The following COBL variants were observed in gnomAD, a reference collection of about 807,000 sequenced individuals.
COBL encodes the protein cordon-bleu WH2 repeat protein.
COBL carries 51 observed loss-of-function variants against 98.8 expected under a neutral mutation model. The observed-to-expected ratio is 0.52, with a 90% CI of 0.41 to 0.65. COBL has a LOEUF of 0.65. Ranked by LOEUF, COBL falls within the 30% of genes least tolerant of loss-of-function variation. COBL has a pLI of 0.00. For missense variants in COBL, 1,617 were observed against 1,617.5 expected (o/e 1.00, Z 0.01); for synonymous variants, 634 against 651.7 (o/e 0.97, Z 0.41).
At position 51,226,842 on chromosome 7, in the gene COBL, AT is replaced by A. The variant is rs1794246492; in HGVS notation, c.42-6899del. Among the ~76,000 whole-genome samples the A allele has an allele frequency of 2.0e-5, 3 of 152,098 alleles. No homozygotes were observed. In the South Asian group the frequency reaches 6.2e-4, roughly 31 times the overall value. On this transcript the variant is annotated intron_variant, in intron 1 of 12. Transcript: ENST00000265136. ...ATCCAGCCACCATGCCACACTGTGT[AT>A]GTTCAATACCCCTGGCAACTTCATA...
At chr7:51,249,834 T>C (rs970640374) in intron 1 of COBL, among the ~76,000 whole-genome samples, 7 of 152,072 alleles carry the variant, frequency 4.6e-5, no homozygotes, top group African/African-American at 1.7e-4. Context: ...AGAACATTTT[T>C]CAAACACCTG....
Position 51,196,979 on chromosome 7 carries a change from C to T in COBL, c.246-3390G>A, listed in dbSNP as rs553749679. Reference sequence around the variant, plus strand: ...AATTTTTTCAAAAAAAAAACAGCTCCAGGATTCACTGATCCTTTGAATAAT... The same window carrying T: ...AATTTTTTCAAAAAAAAAACAGCTCTAGGATTCACTGATCCTTTGAATAAT... On this transcript the variant is annotated intron_variant, in intron 2 of 12. Transcript: ENST00000265136. Among the ~76,000 whole-genome samples, 10 of 151,880 alleles carry T rather than the reference C, an allele frequency of 6.6e-5. No individual in the cohort carries two copies. The South Asian group carries it at 1.7e-3, about 25-fold the overall frequency.
At chr7:51,120,377 AT>A (rs1184203177) in intron 6 of COBL, among the ~76,000 whole-genome samples, 2 of 152,196 alleles carry the variant, frequency 1.3e-5, no homozygotes, top group Non-Finnish European at 2.9e-5. Flanking sequence ...CACGTAAGGC[AT>A]TTGGAGAAAC....
At chr7:51,042,278 A>T (rs1789276582) in intron 8 of COBL, among the ~76,000 whole-genome samples, 1 of 152,266 alleles carries the variant, frequency 6.6e-6, no homozygotes, top group South Asian at 2.1e-4. Context: ...AGTTCAAGCC[A>T]CAGGCTTAGA....
At chr7:51,188,441 A>G (rs1471304764) in intron 4 of COBL, among the ~76,000 whole-genome samples, 1 of 152,228 alleles carries the variant, frequency 6.6e-6, no homozygotes, top group Non-Finnish European at 1.5e-5. Context: ...TTCTTTTCGA[A>G]TATTTGACAG....
chr7:51,315,401 C>CT (rs1357117388), intron 1 of COBL, among the ~76,000 whole-genome samples: 2 of 152,198 alleles, frequency 1.3e-5, no homozygotes, highest in African/African-American at 2.4e-5. Context: ...GACTGAAAGT[C>CT]TTTTACACAC....
intron 6 of COBL, among the ~76,000 whole-genome samples, chr7:51,115,245 T>G (rs968874091): frequency 4.6e-5 from 7 of 152,186 alleles, no homozygotes; most frequent in Admixed American, 2.0e-4. Context: ...TCTGATTTTA[T>G]GCATTTTCTC....
At chr7:51,050,585 A>T (rs917057545) in intron 7 of COBL, among the ~76,000 whole-genome samples, 3 of 152,252 alleles carry the variant, frequency 2.0e-5, no homozygotes, top group Admixed American at 2.0e-4. Flanking sequence ...AGTCCTTCTC[A>T]GAACCTTTCC....
At chr7:51,195,404 T>C (rs533203463) in intron 2 of COBL, among the ~76,000 whole-genome samples, 1 of 152,184 alleles carries the variant, frequency 6.6e-6, no homozygotes, top group Non-Finnish European at 1.5e-5. Context: ...TAGCATGCTG[T>C]TTGGTTACTG....
intron 12 of COBL, among the ~76,000 whole-genome samples, chr7:51,020,229 C>G (rs1786792832): frequency 6.6e-6 from 1 of 152,216 alleles, no homozygotes; most frequent in Non-Finnish European, 1.5e-5. Flanking sequence ...CAAAGGGGAG[C>G]TACGACCTTG....
At chr7:51,225,874 A>G (rs1249869075) in intron 1 of COBL, among the ~76,000 whole-genome samples, 1 of 152,208 alleles carries the variant, frequency 6.6e-6, no homozygotes, top group Non-Finnish European at 1.5e-5. Flanking sequence ...CGCAGGTGTG[A>G]GGCCCAGGTA....
intron 7 of COBL, among the ~76,000 whole-genome samples, chr7:51,070,600 G>C (rs906654124): frequency 2.6e-5 from 4 of 152,144 alleles, no homozygotes; most frequent in Non-Finnish European, 4.4e-5. Context: ...AGAAAAGTTT[G>C]TTTTGTTATG....
At position 51,028,054 on chromosome 7, in the gene COBL, G is replaced by A. The variant is rs141696883; in HGVS notation, c.3042C>T (p.Arg1014=). Reference sequence around the variant, plus strand: ...GGGGTGGGTCTGTACCATCAGGTGCGCGTCTGGGCTCAGATGCTGAGCTGG... The same window carrying A: ...GGGGTGGGTCTGTACCATCAGGTGCACGTCTGGGCTCAGATGCTGAGCTGG... ...QEASSASEPR[R]APDGTDPPPP... is the part of the protein sequence containing the mutation. The change falls in exon 10 of 13, where the codon CGC becomes CGT. Residue 1014 remains arginine (R), a synonymous_variant. Coordinates refer to ENST00000265136, the MANE Select transcript of COBL (RefSeq NM_015198.5). 3.2e-5 allele frequency: 52 copies of A among 1,611,220 alleles called. No homozygotes were observed. Among genetic ancestry groups the A allele is most frequent in the Middle Eastern group, 3.3e-4 (2 of 6,046 alleles).
chr7:51,202,715 G>A (rs1303478234), intron 2 of COBL, among the ~76,000 whole-genome samples: 2 of 152,168 alleles, frequency 1.3e-5, no homozygotes, highest in Non-Finnish European at 2.9e-5. Context: ...AATACTAATA[G>A]GGAAGTTTAT....
chr7:51,187,841 G>C, intron 4 of COBL: 1 of 1,136,858 alleles, frequency 8.8e-7, no homozygotes. Flanking sequence ...CATCACCTCT[G>C]TGCAGCTCTG....
intron 2 of COBL, among the ~76,000 whole-genome samples, chr7:51,206,449 G>A (rs1281851490): frequency 4.8e-5 from 7 of 145,602 alleles, no homozygotes; most frequent in East Asian, 2.0e-4. Context: ...CCGAGATCGC[G>A]CCACTATATT....
intron 1 of COBL, among the ~76,000 whole-genome samples, chr7:51,279,539 C>G (rs1429171557): frequency 6.6e-6 from 1 of 152,092 alleles, no homozygotes; most frequent in East Asian, 1.9e-4. Flanking sequence ...GCCCGTATTC[C>G]CTCTGACCTT....
rs58109603 is a variant in COBL, at chr7:51,057,083, G to A, written c.1097-13391C>T. Among the ~76,000 whole-genome samples, 37 of 152,292 alleles carry A rather than the reference G, an allele frequency of 2.4e-4. No individual in the cohort carries two copies. In the East Asian group the frequency reaches 6.8e-3, roughly 28 times the overall value. On this transcript the variant is annotated intron_variant, in intron 7 of 12. Coordinates refer to ENST00000265136, the MANE Select transcript of COBL (RefSeq NM_015198.5). ...CCACACTGTCTCCTCCCCTGCCTGT[G>A]AGTCACTTAGCAGTGGTCTTGGTTC...
chr7:51,238,821 C>A (rs1400261316), intron 1 of COBL, among the ~76,000 whole-genome samples: 3 of 152,018 alleles, frequency 2.0e-5, no homozygotes, highest in Non-Finnish European at 2.9e-5. Flanking sequence ...CCCTGGCAAC[C>A]CTGCCTCATC....
Sources: gnomAD v4.1 joint callset for allele counts (sites outside exome capture counted in the v4.1 genomes callset) on GRCh38, gnomAD v4.1.1 for gene constraint, MANE v1.5 for transcripts, NCBI Gene and HGNC (gene_info 2026-07-23, HGNC 2026-07-21) for gene names.